ALDH1L2: variants seen among roughly 807,000 people sequenced by gnomAD.
The protein encoded by ALDH1L2 is aldehyde dehydrogenase 1 family member L2.
A neutral mutation model predicts 111.0 loss-of-function variants in ALDH1L2; 91 were observed. The ratio of observed to expected loss-of-function variants is 0.82; its 90% CI spans 0.69 to 0.98. The LOEUF (loss-of-function observed/expected upper bound fraction) is 0.98. Among genes scored for constraint, ALDH1L2 ranks in the 50% least tolerant of loss-of-function variants. ALDH1L2 has a pLI of 0.00. For synonymous variants in ALDH1L2, 374 were observed against 392.6 expected (o/e 0.95, Z 0.56); for missense variants, 995 against 1,126.8 (o/e 0.88, Z 1.67).
Position 105,066,658 on chromosome 12 carries a change from G to C in ALDH1L2, c.606C>G (p.Val202=), listed in dbSNP as rs759724016. ...GAGCTTTTCCATCAGCTATGAGTTG[G>C]ACAGCTTCTACCTAAGGCCAAAGAC... ...PEGIKAMVEA[V]QLIADGKAPR... The change falls in exon 5 of 23, where the codon GTC becomes GTG. Residue 202 remains valine (V), a synonymous_variant. Transcript: ENST00000258494. The C allele has an allele frequency of 6.2e-7, 1 of 1,614,114 alleles. No individual in the cohort carries two copies. Among genetic ancestry groups the C allele is most frequent in the Non-Finnish European group, 8.5e-7 (1 of 1,179,996 alleles).
At chr12:105,034,651 G>A (rs1043776163) in intron 18 of ALDH1L2, among the ~76,000 whole-genome samples, 20 of 152,216 alleles carry the variant, frequency 1.3e-4, no homozygotes, top group African/African-American at 4.6e-4. Flanking sequence ...AAATGTATGT[G>A]TAACAATAAA....
At chr12:105,026,505 GACA>G in intron 22 of ALDH1L2, 37 bp downstream of exon 22, 1 of 1,608,808 alleles carries the variant, frequency 6.2e-7, no homozygotes, top group Non-Finnish European at 8.5e-7. Context: ...TCTGTGATGT[GACA>G]ACAAAGGGAA....
rs754576360 is a variant in ALDH1L2 at position 105,021,933 on chromosome 12, G to A, written c.*2491C>T. The A allele has an allele frequency of 1.3e-5, 2 of 152,228 alleles. No homozygotes were observed. Among genetic ancestry groups the A allele is most frequent in the Non-Finnish European group, 2.9e-5 (2 of 68,068 alleles). 9.4% of individuals were successfully genotyped at this position (152,228 alleles called of 1,614,324 possible). A position where few individuals can be genotyped will look rare whatever the true frequency, so the allele number is the denominator to read the frequency against. The stretch of plus-strand genomic sequence containing the variant: ...GAAGGGTGTTAGAGCAAAAGGGACA[G>A]CTTTAGCAAAGGCATGGGGATGGGG... On this transcript the variant is annotated 3_prime_UTR_variant, in exon 23 of 23. Coordinates refer to ENST00000258494, the MANE Select transcript of ALDH1L2 (RefSeq NM_001034173.4).
intron 2 of ALDH1L2, among the ~76,000 whole-genome samples, chr12:105,072,995 C>G (rs566322406): frequency 6.6e-6 from 1 of 152,282 alleles, no homozygotes; most frequent in African/African-American, 2.4e-5. Flanking sequence ...AAGTACTCTG[C>G]TGAGACAGGC....
At chr12:105,045,558 AATAG>A (rs1424988144) in intron 15 of ALDH1L2, among the ~76,000 whole-genome samples, 4 of 152,230 alleles carry the variant, frequency 2.6e-5, no homozygotes, top group African/African-American at 9.6e-5. Flanking sequence ...CTAAGCCACT[AATAG>A]ATAACAATCA....
chr12:105,053,054 G>C, intron 10 of ALDH1L2, 123 bp from the exon 11 acceptor site: 1 of 1,148,876 alleles, frequency 8.7e-7, no homozygotes, highest in South Asian at 1.5e-5. Context: ...AGTTCCGACT[G>C]TACAGAAGAC....
At chr12:105,055,895 C>G (rs1056211173) in intron 10 of ALDH1L2, among the ~76,000 whole-genome samples, 3 of 151,868 alleles carry the variant, frequency 2.0e-5, no homozygotes, top group Non-Finnish European at 4.4e-5. Context: ...TGAACAGAGC[C>G]TCAGAGACTT....
At position 105,061,005 on chromosome 12, in the gene ALDH1L2, C is replaced by A; in HGVS notation, c.1115G>T (p.Gly372Val). 6.2e-7 allele frequency: 1 copy of A among 1,613,932 alleles called. No individual in the cohort carries two copies. Among genetic ancestry groups the A allele is most frequent in the Non-Finnish European group, 8.5e-7 (1 of 1,179,926 alleles). ...CCTGGCAACATCCATTGAGCTTGCT[C>A]CAGATTTAAAGAAGTCTGTTGAGTC... Reference protein sequence around the residue: ...IEDSTDFFKSGASSMDVARLV... With the variant: ...IEDSTDFFKSVASSMDVARLV... The change falls in exon 9 of 23, where the codon GGA (glycine) becomes GTA (valine). Residue 372 changes from glycine (G) to valine (V), a missense_variant. Gly to Val is a moderately radical substitution (Grantham distance 109). Transcript: ENST00000258494.
At chr12:105,049,711 G>T in intron 13 of ALDH1L2, 197 bp downstream of exon 13, 1 of 582,408 alleles carries the variant, frequency 1.7e-6, no homozygotes, top group Non-Finnish European at 2.6e-6. Context: ...CTCCAGAACT[G>T]TAAGAGAATA....
chr12:105,042,585 A>G (rs1012647434), intron 15 of ALDH1L2, among the ~76,000 whole-genome samples: 8 of 152,052 alleles, frequency 5.3e-5, no homozygotes, highest in African/African-American at 1.9e-4. Context: ...ATCTTTGTTG[A>G]TTATATTTCT....
chr12:105,059,082 C>T (rs1163746555), intron 9 of ALDH1L2, among the ~76,000 whole-genome samples: 3 of 151,974 alleles, frequency 2.0e-5, no homozygotes, highest in Non-Finnish European at 2.9e-5. Context: ...CCCTGGCCAA[C>T]ATGGTGAAAC....
At chr12:105,038,284 AC>A in intron 17 of ALDH1L2, 82 bp from the exon 18 acceptor site, 4 of 63,754 alleles carry the variant, frequency 6.3e-5, no homozygotes, top group Admixed American at 2.0e-4. Flanking sequence ...ACACAAACAC[AC>A]ACACACACAC....
chr12:105,049,931 C>T lies in ALDH1L2; in HGVS notation c.1663G>A (p.Ala555Thr). 3 of 1,611,020 alleles carry T rather than the reference C, an allele frequency of 1.9e-6. No homozygotes were observed. The highest frequency in any genetic ancestry group is 2.5e-6 in the Non-Finnish European group (3 of 1,178,598). The part of the protein sequence containing the change: ...GMSVQTFRYF[A>T]GWCDKIQGST... The stretch of plus-strand genomic sequence containing the variant: ...ACCTGAATTTTGTCGCACCAGCCAG[C>T]AAAATATCTGAATGTTTGCACAGAC... Residue 555 changes from alanine (A) to threonine (T), a missense_variant, in exon 13 of 23, where the codon GCT becomes ACT. Coordinates refer to ENST00000258494, the MANE Select transcript of ALDH1L2 (RefSeq NM_001034173.4).
At chr12:105,081,243 C>T (rs2136118462) in intron 1 of ALDH1L2, among the ~76,000 whole-genome samples, 1 of 152,262 alleles carries the variant, frequency 6.6e-6, no homozygotes, top group East Asian at 1.9e-4. Flanking sequence ...TTTATTAATG[C>T]ATCTATTAAT....
intron 13 of ALDH1L2, among the ~76,000 whole-genome samples, chr12:105,047,230 C>G (rs1368959100): frequency 1.3e-5 from 2 of 152,118 alleles, no homozygotes; most frequent in Admixed American, 6.5e-5. Flanking sequence ...AACTGCCTGC[C>G]TATTATCCAC....
At chr12:105,061,555 CT>C in intron 8 of ALDH1L2, 71 bp downstream of exon 8, 1 of 1,587,324 alleles carries the variant, frequency 6.3e-7, no homozygotes, top group African/African-American at 1.3e-5. Context: ...ACTTTGAGGA[CT>C]GATGGTACCA....
At chr12:105,035,839 A>ATATGTGTG (rs1555224201) in intron 18 of ALDH1L2, among the ~76,000 whole-genome samples, 2 of 100,244 alleles carry the variant, frequency 2.0e-5, no homozygotes, top group Non-Finnish European at 1.8e-5. Context: ...ATATATATAT[A>ATATGTGTG]TGTGTGTGTG....
intron 2 of ALDH1L2, among the ~76,000 whole-genome samples, chr12:105,072,932 C>G (rs1447848903): frequency 6.6e-6 from 1 of 152,176 alleles, no homozygotes; most frequent in Non-Finnish European, 1.5e-5. Flanking sequence ...CGAGGTCGTG[C>G]CACTGCACTC....
At chr12:105,059,278 AT>A (rs1876838900) in intron 9 of ALDH1L2, among the ~76,000 whole-genome samples, 1 of 25,408 alleles carries the variant, frequency 3.9e-5, no homozygotes, top group Non-Finnish European at 8.7e-5. Context: ...AATAATAATA[AT>A]AATAATAATA....
Sources: gnomAD v4.1 joint callset for allele counts (sites outside exome capture counted in the v4.1 genomes callset) on GRCh38, gnomAD v4.1.1 for gene constraint, MANE v1.5 for transcripts, NCBI Gene and HGNC (gene_info 2026-07-23, HGNC 2026-07-21) for gene names.